The following FBXL13 variants were observed in gnomAD, a reference collection of about 807,000 sequenced individuals.
FBXL13 encodes F-box and leucine-rich repeat protein 13.
A neutral mutation model predicts 83.6 loss-of-function variants in FBXL13; 67 were observed. The ratio of observed to expected loss-of-function variants is 0.80; its 90% CI spans 0.66 to 0.98. The LOEUF (loss-of-function observed/expected upper bound fraction) is 0.98, where lower values mean the gene tolerates loss of function less well. Ranked by LOEUF, FBXL13 falls within the 50% of genes least tolerant of loss-of-function variation. The pLI is 0.00. For missense variants in FBXL13, 822 were observed against 866.5 expected (o/e 0.95, Z 0.64); for synonymous variants, 272 against 299.5 (o/e 0.91, Z 0.95).
At chr7:102,942,364 G>C in intron 8 of FBXL13, 1 of 1,533,962 alleles carries the variant, frequency 6.5e-7, no homozygotes, top group Non-Finnish European at 8.8e-7. Context: ...AATGCAGTGG[G>C]AGTTGCCAGA....
rs76810750 is a variant in FBXL13 at position 102,891,573 on chromosome 7, A to G, written c.1009-7261T>C. On this transcript the variant is annotated intron_variant, in intron 11 of 19. Transcript: ENST00000313221. ...TGAATGAATTGTTTGTAGAATATAAATTAGAATTAGTAGTTTCAACGGGAT... is the reference window on the plus strand; with the variant it reads ...TGAATGAATTGTTTGTAGAATATAAGTTAGAATTAGTAGTTTCAACGGGAT... Among the ~76,000 whole-genome samples, 34 of 152,370 alleles carry G rather than the reference A, an allele frequency of 2.2e-4. 1 individual carries two copies. The East Asian group carries it at 6.4e-3, about 28-fold the overall frequency.
At chr7:102,889,506 C>T (rs1265537004) in intron 11 of FBXL13, among the ~76,000 whole-genome samples, 1 of 152,130 alleles carries the variant, frequency 6.6e-6, no homozygotes, top group Non-Finnish European at 1.5e-5. Context: ...TGGTTTGCTG[C>T]ACCCAACAAC....
intron 1 of FBXL13, among the ~76,000 whole-genome samples, chr7:103,059,646 A>AT (rs1407150767): frequency 2.0e-5 from 3 of 152,266 alleles, no homozygotes; most frequent in East Asian, 3.9e-4. Context: ...TCACAAAGCA[A>AT]TTACGTAATC....
intron 6 of FBXL13, among the ~76,000 whole-genome samples, chr7:102,980,178 C>T (rs1308932745): frequency 1.3e-5 from 2 of 152,070 alleles, no homozygotes; most frequent in Non-Finnish European, 2.9e-5. Context: ...TGAAAAAGAA[C>T]AAAGTTGGAG....
intron 10 of FBXL13, among the ~76,000 whole-genome samples, chr7:102,918,892 T>A (rs568675953): frequency 6.6e-6 from 1 of 152,322 alleles, no homozygotes; most frequent in South Asian, 2.1e-4. Flanking sequence ...GTACATATAT[T>A]CATATATATA....
At chr7:102,924,053 A>C (rs981441201) in intron 10 of FBXL13, among the ~76,000 whole-genome samples, 1 of 151,966 alleles carries the variant, frequency 6.6e-6, no homozygotes, top group Non-Finnish European at 1.5e-5. Flanking sequence ...CAGCCCGACC[A>C]ACATAGAGAA....
chr7:102,952,059 C>T (rs1294899819), intron 8 of FBXL13, among the ~76,000 whole-genome samples: 3 of 151,984 alleles, frequency 2.0e-5, no homozygotes, highest in Non-Finnish European at 2.9e-5. Flanking sequence ...TAAACCCTGA[C>T]GACATTGTGC....
rs1252838937 is a variant in FBXL13 at position 103,070,656 on chromosome 7, T to C, written c.-105+3590A>G. Among the ~76,000 whole-genome samples, 3 of 152,216 alleles carry C rather than the reference T, an allele frequency of 2.0e-5. No individual in the cohort carries two copies. The East Asian group carries it at 5.8e-4, about 29-fold the overall frequency. On this transcript the variant is annotated intron_variant, in intron 1 of 19. Transcript: ENST00000313221. ...GTGTACAAGAAGCATGGTGCCAGCA[T>C]CTGCTCGGCTTCTGGCGAAGGCCTC...
intron 1 of FBXL13, among the ~76,000 whole-genome samples, chr7:103,073,621 A>G (rs1324815744): frequency 1.3e-5 from 2 of 152,236 alleles, no homozygotes; most frequent in East Asian, 1.9e-4. Context: ...AAACAAAGTT[A>G]TAATGAATAT....
intron 17 of FBXL13, among the ~76,000 whole-genome samples, chr7:102,854,286 C>T (rs1034398004): frequency 6.6e-6 from 1 of 152,124 alleles, no homozygotes; most frequent in African/African-American, 2.4e-5. Flanking sequence ...AAACCAAACA[C>T]CGCATATTCT....
chr7:103,025,590 A>G (rs974694264), intron 5 of FBXL13, among the ~76,000 whole-genome samples: 3 of 152,202 alleles, frequency 2.0e-5, no homozygotes, highest in Non-Finnish European at 2.9e-5. Context: ...ACAGATAACA[A>G]AAAAGGGAAG....
chr7:103,074,238 A>C (rs908688722), intron 1 of FBXL13: 32 of 995,734 alleles, frequency 3.2e-5, no homozygotes, highest in Admixed American at 1.1e-4. Flanking sequence ...TGGAAACCTC[A>C]GGCTCACCTT....
chr7:103,072,802 C>A (rs1359918641), intron 1 of FBXL13, among the ~76,000 whole-genome samples: 2 of 152,232 alleles, frequency 1.3e-5, no homozygotes, highest in Non-Finnish European at 2.9e-5. Context: ...AGTATGATAT[C>A]CTTTTCTCAT....
chr7:102,985,144 T>C (rs1828790435), intron 6 of FBXL13, among the ~76,000 whole-genome samples: 1 of 152,230 alleles, frequency 6.6e-6, no homozygotes, highest in Non-Finnish European at 1.5e-5. Flanking sequence ...CACCATGTGT[T>C]GATGGCTTCA....
At chr7:102,864,091 A>G (rs1807274375) in intron 16 of FBXL13, among the ~76,000 whole-genome samples, 1 of 152,256 alleles carries the variant, frequency 6.6e-6, no homozygotes, top group Non-Finnish European at 1.5e-5. Flanking sequence ...GAGTTCTTCA[A>G]TGGCTCCTAC....
intron 6 of FBXL13, among the ~76,000 whole-genome samples, chr7:102,989,305 T>A (rs1829315723): frequency 6.6e-6 from 1 of 152,200 alleles, no homozygotes; most frequent in African/African-American, 2.4e-5. Context: ...TTTCTAATTA[T>A]CTGATCTTTC....
intron 1 of FBXL13, among the ~76,000 whole-genome samples, chr7:103,059,383 C>CA (rs1429292079): frequency 6.6e-6 from 1 of 152,192 alleles, no homozygotes; most frequent in Non-Finnish European, 1.5e-5. Context: ...CGCATAGCTA[C>CA]ATGCCAATAA....
intron 2 of FBXL13, among the ~76,000 whole-genome samples, chr7:103,050,388 C>A (rs1018645083): frequency 1.3e-5 from 2 of 152,206 alleles, no homozygotes; most frequent in Non-Finnish European, 2.9e-5. Flanking sequence ...GGGGGCCAAG[C>A]TGCATCATAA....
intron 16 of FBXL13, among the ~76,000 whole-genome samples, chr7:102,860,076 A>G (rs1806583224): frequency 6.6e-6 from 1 of 152,220 alleles, no homozygotes; most frequent in Non-Finnish European, 1.5e-5. Flanking sequence ...ATCAGGACAT[A>G]AGGCTCAAAA....
Sources: allele counts gnomAD v4.1 joint callset (sites outside exome capture counted in the v4.1 genomes callset), GRCh38; gene constraint gnomAD v4.1.1; transcripts MANE v1.5; gene names NCBI Gene and HGNC (gene_info 2026-07-23, HGNC 2026-07-21).